NETO1: variants seen among roughly 807,000 people sequenced by gnomAD.
NETO1 encodes the protein neuropilin and tolloid like 1.
A neutral mutation model predicts 61.3 loss-of-function variants in NETO1; 26 were observed. That is an observed-to-expected ratio of 0.42 (90% confidence interval 0.31 to 0.59). The LOEUF (loss-of-function observed/expected upper bound fraction) is 0.59. Among genes scored for constraint, NETO1 ranks in the 20% least tolerant of loss-of-function variants. The pLI is 0.12. For synonymous variants in NETO1, 225 were observed against 225.8 expected, an observed-to-expected ratio of 1.00 and a Z score of 0.03; for missense variants, 531 against 662.8, an observed-to-expected ratio of 0.80 and a Z score of 2.18.
At chr18:72,810,757 T>A (rs2072839969) in intron 4 of NETO1, among the ~76,000 whole-genome samples, 1 of 152,190 alleles carries the variant, frequency 6.6e-6, no homozygotes, top group Non-Finnish European at 1.5e-5. Flanking sequence ...GCATGGAAGG[T>A]GATTTCATTA....
At chr18:72,866,859 G>A in intron 1 of NETO1, 1 of 953,194 alleles carries the variant, frequency 1.0e-6, no homozygotes, top group South Asian at 4.9e-5. Context: ...ACTGCGAACA[G>A]GGGCCCGCCG....
chr18:72,834,277 CAAT>C (rs1343717638), intron 4 of NETO1: 7 of 815,112 alleles, frequency 8.6e-6, no homozygotes, highest in African/African-American at 3.7e-5. Context: ...ACTATCCCTA[CAAT>C]AATAACAGAA....
intron 4 of NETO1, among the ~76,000 whole-genome samples, chr18:72,839,220 G>C (rs1318565511): frequency 6.6e-6 from 1 of 152,150 alleles, no homozygotes; most frequent in African/African-American, 2.4e-5. Context: ...CCCAGTATGA[G>C]TAAAAAGAAG....
intron 7 of NETO1, among the ~76,000 whole-genome samples, chr18:72,771,425 C>T (rs1300104384): frequency 6.6e-6 from 1 of 152,100 alleles, no homozygotes; most frequent in Non-Finnish European, 1.5e-5. Flanking sequence ...TATAAATGAA[C>T]ATCTGAAGTG....
At chr18:72,846,437 G>A (rs767358603) in intron 4 of NETO1, among the ~76,000 whole-genome samples, 16 of 141,192 alleles carry the variant, frequency 1.1e-4, no homozygotes, top group South Asian at 7.0e-4. Flanking sequence ...CCTGGGAGGC[G>A]GAGGTTGCAG....
chr18:72,844,457 A>G (rs1312783702), intron 4 of NETO1, among the ~76,000 whole-genome samples: 1 of 152,162 alleles, frequency 6.6e-6, no homozygotes, highest in Non-Finnish European at 1.5e-5. Flanking sequence ...CACACTTTCT[A>G]AAATTGTCTG....
intron 4 of NETO1, among the ~76,000 whole-genome samples, chr18:72,844,107 C>T (rs909741287): frequency 6.6e-6 from 1 of 152,154 alleles, no homozygotes; most frequent in Non-Finnish European, 1.5e-5. Flanking sequence ...GCAAACAGAA[C>T]ATTCTTTTAT....
At chr18:72,781,165 A>G (rs566979179) in intron 7 of NETO1, among the ~76,000 whole-genome samples, 1 of 152,330 alleles carries the variant, frequency 6.6e-6, no homozygotes, top group South Asian at 2.1e-4. Context: ...TTGATTAAAA[A>G]TTACAGATTT....
At chr18:72,778,848 A>G (rs955528622) in intron 7 of NETO1, among the ~76,000 whole-genome samples, 19 of 152,168 alleles carry the variant, frequency 1.2e-4, no homozygotes, top group African/African-American at 4.6e-4. Flanking sequence ...CTCATTACCC[A>G]GTTCCAAAGC....
intron 7 of NETO1, among the ~76,000 whole-genome samples, chr18:72,763,164 A>G (rs1050070657): frequency 1.3e-5 from 2 of 152,034 alleles, no homozygotes; most frequent in African/African-American, 4.8e-5. Flanking sequence ...AATCTGCTAA[A>G]TAATATTCAA....
chr18:72,813,985 C>T (rs754839758), intron 4 of NETO1, among the ~76,000 whole-genome samples: 17 of 151,832 alleles, frequency 1.1e-4, no homozygotes, highest in Middle Eastern at 3.2e-3. Flanking sequence ...CAGTGGCACC[C>T]GGGAGACTGG....
chr18:72,786,979 T>A (rs2071942749), intron 6 of NETO1, among the ~76,000 whole-genome samples: 1 of 151,192 alleles, frequency 6.6e-6, no homozygotes. Flanking sequence ...TCCAGGATCA[T>A]AAGTGAATTA....
chr18:72,808,667 A>G (rs558654095), intron 4 of NETO1, among the ~76,000 whole-genome samples: 142 of 152,326 alleles, frequency 9.3e-4, no homozygotes, highest in South Asian at 6.4e-3. Context: ...TAAGATAAGG[A>G]CACAATAAAG....
chr18:72,849,941 G>A (rs962649724), intron 4 of NETO1, among the ~76,000 whole-genome samples: 7 of 152,148 alleles, frequency 4.6e-5, no homozygotes, highest in African/African-American at 1.7e-4. Flanking sequence ...CCCATCACCC[G>A]ATCCTGACCC....
chr18:72,751,971 C>T (rs2070633626), intron 8 of NETO1: 1 of 152,306 alleles, frequency 6.6e-6, no homozygotes, highest in Admixed American at 6.5e-5. Context: ...TCTAAAGACA[C>T]TAACTGCCTC....
intron 7 of NETO1, among the ~76,000 whole-genome samples, chr18:72,772,817 CTCTCTCTCTATATATATATATA>C (rs1433226150): frequency 2.2e-3 from 117 of 54,274 alleles, no homozygotes; most frequent in African/African-American, 6.1e-3. Context: ...CTCTCTCTCT[CTCTCTCTCTATATATATATATA>C]TATATATATA....
chr18:72,826,576 G>A (rs1300695646), intron 4 of NETO1, among the ~76,000 whole-genome samples: 1 of 151,206 alleles, frequency 6.6e-6, no homozygotes, highest in African/African-American at 2.4e-5. Context: ...CTATTTGATT[G>A]ATAACGATTT....
intron 8 of NETO1, among the ~76,000 whole-genome samples, chr18:72,755,263 C>T (rs2070747068): frequency 6.6e-6 from 1 of 152,150 alleles, no homozygotes; most frequent in South Asian, 2.1e-4. Context: ...GTGTAACTGC[C>T]TCTCCTACTG....
At chr18:72,784,796 T>G (rs11873419) in intron 6 of NETO1, among the ~76,000 whole-genome samples, 3,539 of 152,338 alleles carry the variant, frequency 0.023, 36 homozygotes, top group Non-Finnish European at 0.029. Context: ...TACAAGTCTA[T>G]AAAGAAATAA....
Sources: gnomAD v4.1 joint callset for allele counts (sites outside exome capture counted in the v4.1 genomes callset) on GRCh38, gnomAD v4.1.1 for gene constraint, MANE v1.5 for transcripts, NCBI Gene and HGNC (gene_info 2026-07-23, HGNC 2026-07-21) for gene names.